CFAP61: variants seen among roughly 807,000 people sequenced by gnomAD.
The protein encoded by CFAP61 is cilia and flagella associated protein 61, also known as cilia- and flagella-associated protein 61.
A neutral mutation model predicts 135.6 loss-of-function variants in CFAP61; 107 were observed. The ratio of observed to expected loss-of-function variants is 0.79; its 90% CI spans 0.67 to 0.93. The LOEUF (loss-of-function observed/expected upper bound fraction) is 0.93. CFAP61 is among the 40% of genes least tolerant of loss of function. CFAP61 has a pLI of 0.00. For synonymous variants in CFAP61, 575 were observed against 578.5 expected (o/e 0.99, Z 0.09); for missense variants, 1,507 against 1,556.2 (o/e 0.97, Z 0.53).
intron 13 of CFAP61, among the ~76,000 whole-genome samples, chr20:20,170,217 A>T (rs1321510008): frequency 6.6e-6 from 1 of 152,210 alleles, no homozygotes; most frequent in East Asian, 1.9e-4. Context: ...ATTGACCTTT[A>T]TCCTGTCTCA....
At chr20:20,085,765 G>A (rs188762217) in intron 6 of CFAP61, among the ~76,000 whole-genome samples, 1 of 152,330 alleles carries the variant, frequency 6.6e-6, no homozygotes, top group Admixed American at 6.5e-5. Context: ...TAAAATGTCT[G>A]TTAATAAATA....
intron 17 of CFAP61, among the ~76,000 whole-genome samples, chr20:20,215,871 T>A (rs374133874): frequency 6.6e-6 from 1 of 152,150 alleles, no homozygotes; most frequent in South Asian, 2.1e-4. Context: ...TATTCTGTAC[T>A]GAACCACATT....
chr20:20,188,008 A>G lies in CFAP61; in HGVS notation c.1464A>G (p.Lys488=). Residue 488 remains lysine (K), a synonymous_variant, in exon 14 of 27, where the codon AAA becomes AAG. Transcript: ENST00000245957. The part of the protein sequence containing the change: ...ENLVSTLMLN[K]SILEDLDRYN... ...TTGTCAGCACCCTCATGTTGAATAA[A>G]AGCATATTGGAGGACTTAGACCGTT... 6.2e-7 allele frequency: 1 copy of G among 1,614,146 alleles called. No homozygotes were observed. Among genetic ancestry groups the G allele is most frequent in the Non-Finnish European group, 8.5e-7 (1 of 1,179,974 alleles).
chr20:20,239,548 T>C (rs2049861460), intron 18 of CFAP61, among the ~76,000 whole-genome samples: 1 of 152,200 alleles, frequency 6.6e-6, no homozygotes. Flanking sequence ...GCAGAGGCGA[T>C]ATTTTAAGCA....
At chr20:20,214,292 C>T (rs2047883847) in intron 17 of CFAP61, 1 of 152,146 alleles carries the variant, frequency 6.6e-6, no homozygotes, top group Admixed American at 6.5e-5. Context: ...CATAATCCCA[C>T]TTAAGTTAGT....
At chr20:20,134,748 T>C (rs1329241647) in intron 8 of CFAP61, among the ~76,000 whole-genome samples, 2 of 152,132 alleles carry the variant, frequency 1.3e-5, no homozygotes, top group African/African-American at 4.8e-5. Flanking sequence ...GGTGGAACCA[T>C]TTTGTGAGGT....
chr20:20,266,932 T>C (rs1486918186), intron 21 of CFAP61, among the ~76,000 whole-genome samples: 1 of 152,220 alleles, frequency 6.6e-6, no homozygotes, highest in Non-Finnish European at 1.5e-5. Context: ...AAGAGTTTCA[T>C]AGAGGCTGCC....
At chr20:20,064,151 CT>C (rs2045057422) in intron 2 of CFAP61, among the ~76,000 whole-genome samples, 1 of 151,796 alleles carries the variant, frequency 6.6e-6, no homozygotes, top group Non-Finnish European at 1.5e-5. Flanking sequence ...TTGTTCATGC[CT>C]TCCACCCACA....
rs2050917937 is a variant in CFAP61 at position 20,251,615 on chromosome 20, A to T, written c.2180A>T (p.Asp727Val). 6.2e-7 allele frequency: 1 copy of T among 1,614,018 alleles called. No homozygotes were observed. The change falls in exon 20 of 27, where the codon GAT becomes GTT. Residue 727 changes from aspartate to valine, a missense_variant. Asp to Val is a radical substitution (Grantham distance 152). Coordinates refer to ENST00000245957, the MANE Select transcript of CFAP61 (RefSeq NM_015585.4). ...LASDHCFNDK[D>V]YALMSLCSWV... ...TGCAGCCACTGTTTTAATGATAAAG[A>T]TTATGCACTGATGTCACTGTGCTCC... is the stretch of plus-strand genomic sequence containing the variant.
chr20:20,290,310 T>C lies in CFAP61; in HGVS notation c.3135T>C (p.Leu1045=). ...YKGAKIQGGI[L]PGSYHYLHIA... ...TGCCATCTCTTCTAGGGGGCATTCT[T>C]CCTGGGTCTTACCATTATCTGCATA... The change falls in exon 24 of 27, where the codon CTT becomes CTC. Residue 1045 remains leucine, a synonymous_variant. Coordinates refer to ENST00000245957, the MANE Select transcript of CFAP61 (RefSeq NM_015585.4). 6.2e-7 allele frequency: 1 copy of C among 1,612,108 alleles called. No homozygotes were observed. The highest frequency in any genetic ancestry group is 8.5e-7 in the Non-Finnish European group (1 of 1,178,052).
At chr20:20,289,110 C>T (rs1306797320) in intron 23 of CFAP61, among the ~76,000 whole-genome samples, 174 bp downstream of exon 23, 1 of 152,086 alleles carries the variant, frequency 6.6e-6, no homozygotes, top group African/African-American at 2.4e-5. Context: ...TATTACAAAC[C>T]TGGAATTATT....
chr20:20,162,582 G>T (rs2053492738), intron 10 of CFAP61, among the ~76,000 whole-genome samples: 1 of 151,972 alleles, frequency 6.6e-6, no homozygotes, highest in Non-Finnish European at 1.5e-5. Flanking sequence ...ACGATATGAG[G>T]GCCTAAATGA....
Position 20,337,326 on chromosome 20 carries a change from A to G in CFAP61, c.3423-4505A>G, listed in dbSNP as rs1165884291. 2.0e-4 allele frequency among the ~76,000 whole-genome samples: 23 copies of G among 117,866 alleles called. 1 individual carries two copies. The highest frequency in any genetic ancestry group is 7.5e-4 in the African/African-American group (22 of 29,306). 77.3% of individuals were successfully genotyped at this position (117,866 alleles called of 152,430 possible). ...GATGGATGGATGGATGGATGGATGG[A>G]TGGATGGATGGATAGATGGGTGGGT... is the stretch of plus-strand genomic sequence containing the variant. On this transcript the variant is annotated intron_variant, in intron 25 of 26. Transcript: ENST00000245957.
In CFAP61 at chr20:20,154,938, T is replaced by C. The variant is rs536741041; in HGVS notation, c.952-4432T>C. Among the ~76,000 whole-genome samples, 6 of 152,142 alleles carry C rather than the reference T, an allele frequency of 3.9e-5. No individual in the cohort carries two copies. In the East Asian group the frequency reaches 7.7e-4, roughly 20 times the overall value. ...AGAAAAAACAATCCAAAAATTCATA[T>C]GGAGCCATAAAAGAGCCTGCATAGC... On this transcript the variant is annotated intron_variant, in intron 9 of 26. Coordinates refer to ENST00000245957, the MANE Select transcript of CFAP61 (RefSeq NM_015585.4).
intron 20 of CFAP61, among the ~76,000 whole-genome samples, chr20:20,256,650 A>C (rs1020652080): frequency 6.6e-6 from 1 of 152,250 alleles, no homozygotes; most frequent in Non-Finnish European, 1.5e-5. Flanking sequence ...TGGAGGGCAG[A>C]AGCAGAGGAC....
intron 6 of CFAP61, among the ~76,000 whole-genome samples, chr20:20,085,911 A>G (rs111776571): frequency 1.1e-4 from 17 of 152,328 alleles, no homozygotes; most frequent in African/African-American, 3.8e-4. Context: ...ACCACCTCTT[A>G]TTAGCAATGC....
At chr20:20,139,683 T>A (rs1219290763) in intron 8 of CFAP61, among the ~76,000 whole-genome samples, 1 of 152,122 alleles carries the variant, frequency 6.6e-6, no homozygotes, top group Non-Finnish European at 1.5e-5. Flanking sequence ...TGCAGTCACC[T>A]CTAGGGATGA....
rs777124291 is a variant in CFAP61, at chr20:20,196,553, T to C, written c.1591-17T>C. 5 of 1,580,012 alleles carry C rather than the reference T, an allele frequency of 3.2e-6. No homozygotes were observed. Among genetic ancestry groups the C allele is most frequent in the Non-Finnish European group, 4.4e-6 (5 of 1,148,994 alleles). On this transcript the variant is annotated splice_polypyrimidine_tract_variant and intron_variant, in intron 15 of 26. Coordinates refer to ENST00000245957, the MANE Select transcript of CFAP61 (RefSeq NM_015585.4). ...TTAAAATGCTTGTAGAAACCATCCC[T>C]TCTGTCTCTTCTGTAGGACATTGAG...
intron 18 of CFAP61, among the ~76,000 whole-genome samples, chr20:20,232,397 A>C (rs1454769362): frequency 6.6e-6 from 1 of 151,842 alleles, no homozygotes; most frequent in Non-Finnish European, 1.5e-5. Flanking sequence ...AAAAAAGAAG[A>C]AGAAGAAGAA....
Sources: gnomAD v4.1 joint callset for allele counts (sites outside exome capture counted in the v4.1 genomes callset) on GRCh38, gnomAD v4.1.1 for gene constraint, MANE v1.5 for transcripts, NCBI Gene and HGNC (gene_info 2026-07-23, HGNC 2026-07-21) for gene names.